AVPI1: variants seen among roughly 807,000 people sequenced by gnomAD.
AVPI1 encodes the protein arginine vasopressin induced 1, also known as arginine vasopressin-induced protein 1.
A neutral mutation model predicts 11.9 loss-of-function variants in AVPI1; 9 were observed. That is an observed-to-expected ratio of 0.76 (90% CI 0.46 to 1.32). The LOEUF (loss-of-function observed/expected upper bound fraction) is 1.32. Among genes scored for constraint, AVPI1 ranks in the 40% most tolerant of loss-of-function variants. The pLI is 0.00. For synonymous variants in AVPI1, 68 were observed against 78.1 expected (o/e 0.87, Z 0.68); for missense variants, 207 against 195.8 (o/e 1.06, Z -0.34).
Position 97,677,762 on chromosome 10 carries a change from G to A in AVPI1, c.*107C>T. On this transcript the variant is annotated 3_prime_UTR_variant, in exon 3 of 3. Coordinates refer to ENST00000370626, the MANE Select transcript of AVPI1 (RefSeq NM_021732.3). ...AGCAGGTCAGTGGCAGCAGCCTCTTGCTTTCATTTACCCCTTTGGGCTGCT... is the reference window on the plus strand; with the variant it reads ...AGCAGGTCAGTGGCAGCAGCCTCTTACTTTCATTTACCCCTTTGGGCTGCT... The A allele has an allele frequency of 7.3e-7, 1 of 1,368,348 alleles. No homozygotes were observed. The allele number at this position is 1,368,348 out of a possible 1,614,324, so 84.8% of individuals were successfully genotyped here.
chr10:97,683,832 A>G (rs993586301), intron 1 of AVPI1, among the ~76,000 whole-genome samples: 2 of 152,226 alleles, frequency 1.3e-5, no homozygotes, highest in African/African-American at 2.4e-5. Flanking sequence ...CACTGGCTGA[A>G]AAACCTCAGG....
chr10:97,678,538 G>T (rs2041678442), intron 2 of AVPI1, among the ~76,000 whole-genome samples: 1 of 152,176 alleles, frequency 6.6e-6, no homozygotes, highest in Non-Finnish European at 1.5e-5. Context: ...GGCTGGCAGT[G>T]GCCTAGGCAA....
Position 97,679,867 on chromosome 10 carries a change from AG to A in AVPI1, c.38del (p.Pro13LeufsTer156). On this transcript the variant is annotated frameshift_variant, in exon 2 of 3. Coordinates refer to ENST00000370626, the MANE Select transcript of AVPI1 (RefSeq NM_021732.3). LOFTEE classifies it high-confidence loss of function. ...CCCGGGCCTCAATCGGGGCCTGCCAAGGGGGTGGCTCACTGACCACCGAGGC... is the reference window on the plus strand; with the variant it reads ...CCCGGGCCTCAATCGGGGCCTGCCAAGGGGTGGCTCACTGACCACCGAGGC... ...TPASVVSEPP[P>X]WQAPIEARGR... is the part of the protein sequence containing the mutation. 1 of 1,597,330 alleles carries A rather than the reference AG, an allele frequency of 6.3e-7. No homozygotes were observed.
chr10:97,683,407 C>T (rs1318719380), intron 1 of AVPI1, among the ~76,000 whole-genome samples: 1 of 152,230 alleles, frequency 6.6e-6, no homozygotes, highest in Non-Finnish European at 1.5e-5. Flanking sequence ...GATCCACCCG[C>T]CTTGGCCTCC....
At chr10:97,678,960 TG>T (rs2041685967) in intron 2 of AVPI1, among the ~76,000 whole-genome samples, 1 of 47,656 alleles carries the variant, frequency 2.1e-5, no homozygotes, top group Non-Finnish European at 4.7e-5. Flanking sequence ...TGTGTGTGTG[TG>T]TGTGTGTGTG....
chr10:97,679,111 G>A lies in AVPI1; in HGVS notation c.287+508C>T, dbSNP rs888088701. ...ATCTCTTTCCATGGGAGTTCACAGG[G>A]TTGTATATGACTCCAAAAGTAACAG... On this transcript the variant is annotated intron_variant, in intron 2 of 2. Coordinates refer to ENST00000370626, the MANE Select transcript of AVPI1 (RefSeq NM_021732.3). Among the ~76,000 whole-genome samples, 17 of 143,506 alleles carry A rather than the reference G, an allele frequency of 1.2e-4. 1 individual carries two copies. Among genetic ancestry groups the A allele is most frequent in the Non-Finnish European group, 7.7e-5 (5 of 65,298 alleles). 94.1% of individuals were successfully genotyped at this position (143,506 alleles called of 152,430 possible). A position where few individuals can be genotyped will look rare whatever the true frequency, so the allele number is the denominator to read the frequency against.
At chr10:97,682,886 C>A (rs940398649) in intron 1 of AVPI1, among the ~76,000 whole-genome samples, 1 of 152,168 alleles carries the variant, frequency 6.6e-6, no homozygotes, top group Non-Finnish European at 1.5e-5. Flanking sequence ...GGTAATTAAG[C>A]CCCCAGAGCT....
chr10:97,685,983 G>A (rs113663977), intron 1 of AVPI1, among the ~76,000 whole-genome samples: 2,049 of 152,134 alleles, frequency 0.013, 47 homozygotes, highest in African/African-American at 0.045. Context: ...CAAGTTGCTC[G>A]TCATCAAAAT....
chr10:97,678,918 T>TTTTCAGAGACAGGATCTCGCC (rs1564779825), intron 2 of AVPI1, among the ~76,000 whole-genome samples: 155 of 13,066 alleles, frequency 0.012, 9 homozygotes, highest in African/African-American at 0.032. Context: ...TGTGTGTGTG[T>TTTTCAGAGACAGGATCTCGCC]GTGTGTGTGT....
intron 1 of AVPI1, among the ~76,000 whole-genome samples, chr10:97,682,409 G>A (rs781683445): frequency 4.6e-5 from 7 of 152,140 alleles, no homozygotes; most frequent in Admixed American, 1.3e-4. Context: ...AGGGGAAAAG[G>A]AACATTAAAA....
At chr10:97,684,657 G>A (rs1049123904) in intron 1 of AVPI1, among the ~76,000 whole-genome samples, 4 of 151,484 alleles carry the variant, frequency 2.6e-5, no homozygotes, top group Admixed American at 2.0e-4. Flanking sequence ...CCCACCACAC[G>A]CCCGACTAAT....
rs1564779918 is a variant in AVPI1, at chr10:97,678,954, T to A, written c.287+665A>T. ...GTGTGTGTGTGTGTGTGTGTGTGTG[T>A]GTGTGTGTGTGTGTGTGTGTGTGTG... is the stretch of plus-strand genomic sequence containing the variant. On this transcript the variant is annotated intron_variant, in intron 2 of 2. Transcript: ENST00000370626. Among the ~76,000 whole-genome samples, 132 of 43,046 alleles carry A rather than the reference T, an allele frequency of 3.1e-3. 12 individuals are homozygous for A. Among genetic ancestry groups the A allele is most frequent in the South Asian group, 9.6e-3 (10 of 1,042 alleles). The allele number at this position is 43,046 out of a possible 152,430, so 28.2% of individuals were successfully genotyped here. A position where few individuals can be genotyped will look rare whatever the true frequency, so the allele number is the denominator to read the frequency against.
chr10:97,682,884 A>G (rs2041711438), intron 1 of AVPI1, among the ~76,000 whole-genome samples: 1 of 152,270 alleles, frequency 6.6e-6, no homozygotes, highest in African/African-American at 2.4e-5. Context: ...ATGGTAATTA[A>G]GCCCCCAGAG....
At chr10:97,683,642 G>A (rs1027866578) in intron 1 of AVPI1, among the ~76,000 whole-genome samples, 10 of 152,340 alleles carry the variant, frequency 6.6e-5, no homozygotes, top group South Asian at 6.2e-4. Flanking sequence ...GTGGAATTTC[G>A]TTAGTCTGTT....
At chr10:97,678,100 G>A in intron 2 of AVPI1, 75 bp from the exon 3 acceptor site, 1 of 1,486,542 alleles carries the variant, frequency 6.7e-7, no homozygotes, top group Non-Finnish European at 9.2e-7. Context: ...ATTTCGTCAT[G>A]GTGGACCATA....
At chr10:97,685,084 G>C (rs1194568748) in intron 1 of AVPI1, among the ~76,000 whole-genome samples, 1 of 152,150 alleles carries the variant, frequency 6.6e-6, no homozygotes, top group Non-Finnish European at 1.5e-5. Flanking sequence ...ATGAAACCAT[G>C]GGGCTATTAA....
Position 97,686,958 on chromosome 10 carries a change from T to A in AVPI1, c.-203A>T, listed in dbSNP as rs1349471858. ...TCCTGGCCGAGGTCCTAAGGCGACA[T>A]CTGCAGCACGAGGAGGCCCCGGGAC... On this transcript the variant is annotated 5_prime_UTR_variant, in exon 1 of 3. An upstream start codon of the reference 5' UTR is lost. Coordinates refer to ENST00000370626, the MANE Select transcript of AVPI1 (RefSeq NM_021732.3). 2 of 152,292 alleles carry A rather than the reference T, an allele frequency of 1.3e-5. No individual in the cohort carries two copies. Among genetic ancestry groups the A allele is most frequent in the Non-Finnish European group, 2.9e-5 (2 of 68,154 alleles). The allele number at this position is 152,292 out of a possible 1,614,324, so 9.4% of individuals were successfully genotyped here. A position where few individuals can be genotyped will look rare whatever the true frequency, so the allele number is the denominator to read the frequency against.
At chr10:97,684,951 G>A (rs1346466095) in intron 1 of AVPI1, among the ~76,000 whole-genome samples, 1 of 152,190 alleles carries the variant, frequency 6.6e-6, no homozygotes, top group Non-Finnish European at 1.5e-5. Flanking sequence ...TATTATCAAA[G>A]GAAACTTTTC....
At chr10:97,681,787 A>C (rs1301761325) in intron 1 of AVPI1, among the ~76,000 whole-genome samples, 1 of 149,670 alleles carries the variant, frequency 6.7e-6, no homozygotes, top group Non-Finnish European at 1.5e-5. Context: ...CTGAGGCAGG[A>C]GAATGGCGTG....
Sources: gnomAD v4.1 joint callset for allele counts (sites outside exome capture counted in the v4.1 genomes callset) on GRCh38, gnomAD v4.1.1 for gene constraint, MANE v1.5 for transcripts, NCBI Gene and HGNC (gene_info 2026-07-23, HGNC 2026-07-21) for gene names.